ITGBL1: variants seen among roughly 807,000 people sequenced by gnomAD.
ITGBL1 encodes the protein integrin beta-like protein 1.
ITGBL1 carries 51 observed loss-of-function variants against 68.5 expected under a neutral mutation model. The observed-to-expected ratio is 0.74, with a 90% CI of 0.59 to 0.94. The LOEUF (loss-of-function observed/expected upper bound fraction) is 0.94. ITGBL1 is among the 40% of genes least tolerant of loss of function. ITGBL1 has a pLI of 0.00. For missense variants in ITGBL1, 649 were observed against 647.4 expected (o/e 1.00, Z -0.03); for synonymous variants, 209 against 227.3 (o/e 0.92, Z 0.72).
intron 9 of ITGBL1, among the ~76,000 whole-genome samples, chr13:101,708,081 T>A (rs2034305198): frequency 1.4e-5 from 2 of 147,498 alleles, no homozygotes; most frequent in South Asian, 4.3e-4. Context: ...ACACACAAAT[T>A]GGAAGAGGAT....
intron 7 of ITGBL1, among the ~76,000 whole-genome samples, chr13:101,638,502 C>A (rs980320036): frequency 6.6e-5 from 10 of 151,952 alleles, no homozygotes; most frequent in Non-Finnish European, 8.8e-5. Flanking sequence ...TGCAACTGGG[C>A]AATGTACAAA....
chr13:101,505,571 T>A (rs2049014639), intron 2 of ITGBL1, among the ~76,000 whole-genome samples: 2 of 152,194 alleles, frequency 1.3e-5, no homozygotes, highest in Non-Finnish European at 2.9e-5. Flanking sequence ...ACATTTATTG[T>A]CTTATTCAAT....
chr13:101,520,754 T>TGAGAC (rs2049271913), intron 2 of ITGBL1, among the ~76,000 whole-genome samples: 1 of 152,150 alleles, frequency 6.6e-6, no homozygotes, highest in South Asian at 2.1e-4. Context: ...AGTCATTTGC[T>TGAGAC]GAGACGGCAA....
chr13:101,648,229 G>T (rs918789508), intron 7 of ITGBL1, among the ~76,000 whole-genome samples: 7 of 152,078 alleles, frequency 4.6e-5, no homozygotes, highest in African/African-American at 7.2e-5. Context: ...CAACAAACTA[G>T]GACTGTTAGG....
chr13:101,500,478 A>G (rs186726709), intron 2 of ITGBL1, among the ~76,000 whole-genome samples: 1 of 152,322 alleles, frequency 6.6e-6, no homozygotes, highest in East Asian at 1.9e-4. Context: ...GTTCTTTCTG[A>G]ATATTAACCA....
At chr13:101,467,044 C>A (rs1193261991) in intron 2 of ITGBL1, among the ~76,000 whole-genome samples, 1 of 152,058 alleles carries the variant, frequency 6.6e-6, no homozygotes, top group African/African-American at 2.4e-5. Context: ...GCAACTGTAT[C>A]CTCACATGTT....
chr13:101,689,624 AT>A (rs1275708419), intron 7 of ITGBL1, among the ~76,000 whole-genome samples: 11 of 152,106 alleles, frequency 7.2e-5, no homozygotes, highest in African/African-American at 2.4e-4. Flanking sequence ...ACCCAAAAAA[AT>A]ATGGAATGCA....
chr13:101,590,347 G>A (rs1029463925), intron 6 of ITGBL1, among the ~76,000 whole-genome samples: 6 of 152,158 alleles, frequency 3.9e-5, no homozygotes, highest in South Asian at 2.1e-4. Context: ...CCCTTCAGTC[G>A]TGTGTCTCCC....
chr13:101,576,302 G>T (rs1181757235), intron 4 of ITGBL1, among the ~76,000 whole-genome samples: 1 of 152,226 alleles, frequency 6.6e-6, no homozygotes, highest in South Asian at 2.1e-4. Context: ...CACCACTCAC[G>T]ACTGCATCAG....
intron 7 of ITGBL1, among the ~76,000 whole-genome samples, chr13:101,627,110 C>G (rs1475168431): frequency 6.6e-6 from 1 of 152,142 alleles, no homozygotes; most frequent in African/African-American, 2.4e-5. Flanking sequence ...CTGTTTCACT[C>G]ATTTCTGTAA....
chr13:101,694,427 C>CT (rs919418218), intron 8 of ITGBL1, among the ~76,000 whole-genome samples: 4 of 151,292 alleles, frequency 2.6e-5, no homozygotes, highest in Non-Finnish European at 2.9e-5. Flanking sequence ...CTTTTCTTTT[C>CT]TTTTTTTTCT....
chr13:101,565,984 A>G (rs2050177604), intron 2 of ITGBL1, among the ~76,000 whole-genome samples: 1 of 152,054 alleles, frequency 6.6e-6, no homozygotes, highest in Non-Finnish European at 1.5e-5. Flanking sequence ...TTGACCCACA[A>G]ATTATTTCCC....
intron 7 of ITGBL1, among the ~76,000 whole-genome samples, chr13:101,654,640 C>T (rs769435312): frequency 4.6e-5 from 7 of 152,182 alleles, no homozygotes; most frequent in South Asian, 2.1e-4. Context: ...GGTTCTCCTT[C>T]GGTCATGTTA....
intron 2 of ITGBL1, among the ~76,000 whole-genome samples, chr13:101,501,841 G>C (rs533827867): frequency 4.9e-4 from 74 of 152,278 alleles, no homozygotes; most frequent in African/African-American, 1.8e-3. Flanking sequence ...GACTAGGACA[G>C]GTATAACATG....
At chr13:101,459,349 C>T (rs779156769) in intron 2 of ITGBL1, among the ~76,000 whole-genome samples, 2 of 152,120 alleles carry the variant, frequency 1.3e-5, no homozygotes, top group Admixed American at 6.5e-5. Context: ...ATATGAAGAA[C>T]CTTCTATTCT....
intron 2 of ITGBL1, among the ~76,000 whole-genome samples, chr13:101,545,056 G>A (rs2049794370): frequency 1.3e-5 from 2 of 152,160 alleles, no homozygotes; most frequent in African/African-American, 4.8e-5. Context: ...TGCACCCACT[G>A]TCCTGCACCC....
chr13:101,653,813 C>T (rs57917234), intron 7 of ITGBL1, among the ~76,000 whole-genome samples: 54,352 of 149,150 alleles, frequency 0.36, 10,098 homozygotes, highest in Non-Finnish European at 0.39. Flanking sequence ...CTCAGACTCC[C>T]GAGTAGCTGG....
At chr13:101,597,481 C>T (rs919003606) in intron 6 of ITGBL1, among the ~76,000 whole-genome samples, 9 of 149,356 alleles carry the variant, frequency 6.0e-5, no homozygotes, top group African/African-American at 2.0e-4. Context: ...CCTGTGACTG[C>T]CCTCCATGCA....
chr13:101,604,862 A>AT (rs1350493239), intron 7 of ITGBL1, among the ~76,000 whole-genome samples: 2 of 21,756 alleles, frequency 9.2e-5, no homozygotes, highest in African/African-American at 2.6e-4. Flanking sequence ...ATATATATAT[A>AT]TATATATATA....
Sources: gnomAD v4.1 joint callset for allele counts (sites outside exome capture counted in the v4.1 genomes callset) on GRCh38, gnomAD v4.1.1 for gene constraint, MANE v1.5 for transcripts, NCBI Gene and HGNC (gene_info 2026-07-23, HGNC 2026-07-21) for gene names.